Variants in KCND2 observed in about 807,000 individuals in gnomAD.
KCND2 encodes potassium voltage-gated channel subfamily D member 2, also known as A-type voltage-gated potassium channel KCND2.
A neutral mutation model predicts 54.4 loss-of-function variants in KCND2; 16 were observed. That is an observed-to-expected ratio of 0.29 (90% confidence interval 0.20 to 0.45). The LOEUF (loss-of-function observed/expected upper bound fraction) is 0.45, where lower values mean the gene tolerates loss of function less well. Ranked by LOEUF, KCND2 falls within the 20% of genes least tolerant of loss-of-function variation. The probability of loss-of-function intolerance (pLI) is 1.00; values close to 1 mark genes in which losing one functional copy is unlikely to be tolerated. For synonymous variants in KCND2, 317 were observed against 310.7 expected (o/e 1.02, Z -0.21); for missense variants, 486 against 824.2 (o/e 0.59, Z 5.02).
chr7:120,582,009 G>A (rs1301952584), intron 1 of KCND2, among the ~76,000 whole-genome samples: 4 of 151,920 alleles, frequency 2.6e-5, no homozygotes, highest in Non-Finnish European at 4.4e-5. Flanking sequence ...CCACCGCACC[G>A]GGCCAATCTT....
intron 1 of KCND2, among the ~76,000 whole-genome samples, chr7:120,422,952 T>C (rs1169267496): frequency 6.6e-6 from 1 of 152,202 alleles, no homozygotes; most frequent in Non-Finnish European, 1.5e-5. Context: ...GTCCCAGGTC[T>C]TATTCTGCAT....
intron 1 of KCND2, among the ~76,000 whole-genome samples, chr7:120,456,225 A>C (rs1432022981): frequency 1.3e-5 from 2 of 152,196 alleles, no homozygotes; most frequent in African/African-American, 2.4e-5. Flanking sequence ...TTTTAAGATG[A>C]TTGGTCTAAT....
At chr7:120,338,273 A>G (rs1800179703) in intron 1 of KCND2, among the ~76,000 whole-genome samples, 1 of 152,134 alleles carries the variant, frequency 6.6e-6, no homozygotes, top group Non-Finnish European at 1.5e-5. Flanking sequence ...TTTTGTTTGT[A>G]TCCAGTATCT....
chr7:120,394,832 G>A (rs769205369), intron 1 of KCND2, among the ~76,000 whole-genome samples: 3 of 151,988 alleles, frequency 2.0e-5, no homozygotes, highest in Non-Finnish European at 4.4e-5. Flanking sequence ...AGAACTTCCT[G>A]TAGTCAAGTA....
At chr7:120,325,818 G>A (rs1452188519) in intron 1 of KCND2, among the ~76,000 whole-genome samples, 1 of 152,090 alleles carries the variant, frequency 6.6e-6, no homozygotes, top group Non-Finnish European at 1.5e-5. Flanking sequence ...TGATCACTGA[G>A]GTGGCATTGA....
chr7:120,701,389 C>A (rs1282004362), intron 1 of KCND2, among the ~76,000 whole-genome samples: 1 of 151,652 alleles, frequency 6.6e-6, no homozygotes, highest in Admixed American at 6.6e-5. Flanking sequence ...GATAGGGAGA[C>A]TGGAACAAGA....
chr7:120,690,138 A>T (rs537500251), intron 1 of KCND2, among the ~76,000 whole-genome samples: 5 of 152,294 alleles, frequency 3.3e-5, no homozygotes, highest in Non-Finnish European at 7.4e-5. Flanking sequence ...TAAGAAATGG[A>T]AATGTTATTT....
At chr7:120,330,165 C>T (rs981189332) in intron 1 of KCND2, among the ~76,000 whole-genome samples, 1 of 152,080 alleles carries the variant, frequency 6.6e-6, no homozygotes, top group African/African-American at 2.4e-5. Context: ...GCTTCTTAAA[C>T]TTTTTTTCTG....
chr7:120,348,930 A>C (rs865892778), intron 1 of KCND2, among the ~76,000 whole-genome samples: 1 of 152,180 alleles, frequency 6.6e-6, no homozygotes, highest in East Asian at 1.9e-4. Flanking sequence ...TAGGATTTGC[A>C]CATAAGTAGC....
chr7:120,664,774 G>A (rs1791905189), intron 1 of KCND2, among the ~76,000 whole-genome samples: 2 of 152,032 alleles, frequency 1.3e-5, no homozygotes, highest in South Asian at 4.1e-4. Flanking sequence ...CTTTCCAGAT[G>A]CTTTGGCTGT....
At position 120,274,683 on chromosome 7, in the gene KCND2, C is replaced by T. The variant is rs751910698; in HGVS notation, c.51C>T (p.Ile17=). The T allele has an allele frequency of 6.2e-6, 10 of 1,613,884 alleles. No homozygotes were observed. The African/African-American group carries it at 1.3e-4, about 22-fold the overall frequency. ...TGCCTTTTGCAAGGGCAGCGGCTAT[C>T]GGGTGGATGCCTGTGGCCTCGGGGC... is the stretch of plus-strand genomic sequence containing the variant. ...AWLPFARAAA[I]GWMPVASGPM... The change falls in exon 1 of 6, where the codon ATC becomes ATT. Residue 17 remains isoleucine (I), a synonymous_variant. Transcript: ENST00000331113.
At chr7:120,354,064 T>C (rs1800455564) in intron 1 of KCND2, among the ~76,000 whole-genome samples, 1 of 152,226 alleles carries the variant, frequency 6.6e-6, no homozygotes, top group Non-Finnish European at 1.5e-5. Flanking sequence ...AGTACACTTA[T>C]TGTCTCAAGA....
intron 1 of KCND2, among the ~76,000 whole-genome samples, chr7:120,340,854 G>T (rs933800042): frequency 6.6e-6 from 1 of 152,134 alleles, no homozygotes; most frequent in African/African-American, 2.4e-5. Context: ...TAAAACTAAT[G>T]GGCAAAATGT....
chr7:120,514,907 C>A (rs1453959208), intron 1 of KCND2, among the ~76,000 whole-genome samples: 1 of 151,852 alleles, frequency 6.6e-6, no homozygotes, highest in South Asian at 2.1e-4. Context: ...ATTGGGGACC[C>A]CTGTTTTATA....
intron 1 of KCND2, among the ~76,000 whole-genome samples, chr7:120,449,147 G>A (rs1473828116): frequency 6.6e-6 from 1 of 152,002 alleles, no homozygotes; most frequent in Admixed American, 6.6e-5. Flanking sequence ...GGCTAACACA[G>A]TGAAACCCCA....
At chr7:120,531,133 C>T (rs957174974) in intron 1 of KCND2, among the ~76,000 whole-genome samples, 15 of 152,158 alleles carry the variant, frequency 9.9e-5, no homozygotes, top group Admixed American at 2.0e-4. Context: ...GCTCAGAAAT[C>T]CTACTGTATT....
chr7:120,308,736 A>G (rs1337638956), intron 1 of KCND2, among the ~76,000 whole-genome samples: 1 of 152,200 alleles, frequency 6.6e-6, no homozygotes, highest in Non-Finnish European at 1.5e-5. Flanking sequence ...GTAGGTGGGT[A>G]TATCTAAAAT....
At chr7:120,551,768 G>C (rs962500113) in intron 1 of KCND2, among the ~76,000 whole-genome samples, 2 of 152,142 alleles carry the variant, frequency 1.3e-5, no homozygotes, top group Non-Finnish European at 2.9e-5. Context: ...CCTGTAACCT[G>C]TGTATCTAGT....
chr7:120,739,053 C>T (rs974263888), intron 2 of KCND2, among the ~76,000 whole-genome samples: 16 of 151,990 alleles, frequency 1.1e-4, no homozygotes, highest in African/African-American at 3.4e-4. Flanking sequence ...TTCTTTTTCC[C>T]TAAGCTTAGA....
Sources: gnomAD v4.1 joint callset for allele counts (sites outside exome capture counted in the v4.1 genomes callset) on GRCh38, gnomAD v4.1.1 for gene constraint, MANE v1.5 for transcripts, NCBI Gene and HGNC (gene_info 2026-07-23, HGNC 2026-07-21) for gene names.